THSD4: variants seen among roughly 807,000 people sequenced by gnomAD.
The protein encoded by THSD4 is thrombospondin type-1 domain-containing protein 4.
Under a neutral mutation model 119.0 loss-of-function variants are expected in THSD4, and 69 were observed. The observed-to-expected ratio is 0.58, with a 90% CI of 0.48 to 0.71. The LOEUF is 0.71. Among genes scored for constraint, THSD4 ranks in the 30% least tolerant of loss-of-function variants. The pLI, the probability that THSD4 is intolerant of heterozygous loss-of-function variation, is 0.00. For missense variants in THSD4, 1,393 were observed against 1,391.1 expected, an observed-to-expected ratio of 1.00 and a Z score of -0.02; for synonymous variants, 524 against 540.4, an observed-to-expected ratio of 0.97 and a Z score of 0.42.
chr15:71,523,126 AT>A (rs1267697786), intron 7 of THSD4, among the ~76,000 whole-genome samples: 1 of 152,224 alleles, frequency 6.6e-6, no homozygotes, highest in Non-Finnish European at 1.5e-5. Flanking sequence ...GTAGCTTCCT[AT>A]AACTGCTGTA....
At chr15:71,532,788 C>G (rs1479755885) in intron 7 of THSD4, among the ~76,000 whole-genome samples, 2 of 151,912 alleles carry the variant, frequency 1.3e-5, no homozygotes, top group African/African-American at 4.8e-5. Flanking sequence ...CTGTTCTATT[C>G]GAAGCAGAAA....
At chr15:71,373,462 C>G (rs1040829932) in intron 6 of THSD4, among the ~76,000 whole-genome samples, 1 of 152,058 alleles carries the variant, frequency 6.6e-6, no homozygotes, top group African/African-American at 2.4e-5. Context: ...ACAGGATATC[C>G]CGGTGGCTGA....
chr15:71,504,929 C>A lies in THSD4; in HGVS notation c.1152+93106C>A, dbSNP rs577951744. On this transcript the variant is annotated intron_variant, in intron 7 of 17. Coordinates refer to ENST00000261862, the MANE Select transcript of THSD4 (RefSeq NM_024817.3). ...TTCTCAGTCTTCCCTGTGTTTCATG[C>A]CCTTGACAGTTTTGAAGAGCATGGT... Among the ~76,000 whole-genome samples, 16 of 152,250 alleles carry A rather than the reference C, an allele frequency of 1.1e-4. No homozygotes were observed. In the East Asian group the frequency reaches 3.1e-3, roughly 29 times the overall value.
intron 7 of THSD4, among the ~76,000 whole-genome samples, chr15:71,494,422 A>G (rs188127567): frequency 2.0e-3 from 304 of 152,306 alleles, no homozygotes; most frequent in African/African-American, 7.2e-3. Flanking sequence ...AAAAGCAAGC[A>G]CAAAATGTAA....
chr15:71,456,624 A>G (rs1173593215), intron 7 of THSD4, among the ~76,000 whole-genome samples: 1 of 152,006 alleles, frequency 6.6e-6, no homozygotes, highest in Non-Finnish European at 1.5e-5. Context: ...CAGCAGTGGA[A>G]CTTCTGAGTC....
At chr15:71,412,493 C>A (rs1312075498) in intron 7 of THSD4, among the ~76,000 whole-genome samples, 1 of 152,174 alleles carries the variant, frequency 6.6e-6, no homozygotes, top group Non-Finnish European at 1.5e-5. Flanking sequence ...TGCGCTTGGA[C>A]TTCTACCCTC....
At chr15:71,703,271 G>A (rs982791345) in intron 8 of THSD4, among the ~76,000 whole-genome samples, 6 of 152,126 alleles carry the variant, frequency 3.9e-5, no homozygotes, top group African/African-American at 1.2e-4. Context: ...CACCACACTC[G>A]GCCAGGCTCC....
chr15:71,132,342 G>A (rs190679714), intron 1 of THSD4, among the ~76,000 whole-genome samples: 1 of 152,228 alleles, frequency 6.6e-6, no homozygotes, highest in Non-Finnish European at 1.5e-5. Context: ...TTCATAGGGT[G>A]GACTATTTTG....
intron 8 of THSD4, among the ~76,000 whole-genome samples, chr15:71,717,757 C>A (rs2052637804): frequency 6.6e-6 from 1 of 152,118 alleles, no homozygotes; most frequent in Non-Finnish European, 1.5e-5. Flanking sequence ...AACAAGACCC[C>A]CCACCACCAT....
At chr15:71,626,024 G>A (rs1466945146) in intron 7 of THSD4, among the ~76,000 whole-genome samples, 1 of 152,156 alleles carries the variant, frequency 6.6e-6, no homozygotes, top group Non-Finnish European at 1.5e-5. Context: ...TCCTTTTAGA[G>A]GATTTTTATA....
At chr15:71,768,054 T>C (rs897113382) in intron 16 of THSD4, among the ~76,000 whole-genome samples, 8 of 152,210 alleles carry the variant, frequency 5.3e-5, no homozygotes. Flanking sequence ...CTTATTATTA[T>C]GAAAACCCGT....
chr15:71,460,316 T>G (rs1044008276), intron 7 of THSD4, among the ~76,000 whole-genome samples: 2 of 150,846 alleles, frequency 1.3e-5, no homozygotes, highest in East Asian at 1.9e-4. Flanking sequence ...TTTTTTTTTT[T>G]TTTTTTTTTT....
chr15:71,377,541 CA>C (rs1369981029), intron 6 of THSD4, among the ~76,000 whole-genome samples: 1 of 151,936 alleles, frequency 6.6e-6, no homozygotes, highest in African/African-American at 2.4e-5. Context: ...GACAGGGATG[CA>C]AAGGGACAAG....
At chr15:71,501,831 T>G (rs1432573624) in intron 7 of THSD4, among the ~76,000 whole-genome samples, 1 of 152,218 alleles carries the variant, frequency 6.6e-6, no homozygotes, top group Non-Finnish European at 1.5e-5. Flanking sequence ...CACCCTAATT[T>G]TGATTTTGAT....
At chr15:71,597,373 G>GCA (rs373306392) in intron 7 of THSD4, among the ~76,000 whole-genome samples, 5 of 151,784 alleles carry the variant, frequency 3.3e-5, no homozygotes, top group South Asian at 2.1e-4. Context: ...ACAGGCACGT[G>GCA]CACACACACA....
rs2050416233 is a variant in THSD4, at chr15:71,621,376, AG to A, written c.1153-39151del. On this transcript the variant is annotated intron_variant, in intron 7 of 17. Transcript: ENST00000261862. Reference sequence around the variant, plus strand: ...GTTGCTAGGACAGTTGTCCCAGATGAGGGATTGATTTGGGTGTTCCTAAAGG... The same window carrying A: ...GTTGCTAGGACAGTTGTCCCAGATGAGGATTGATTTGGGTGTTCCTAAAGG... Among the ~76,000 whole-genome samples the A allele has an allele frequency of 3.3e-5, 5 of 152,312 alleles. No individual in the cohort carries two copies. In the South Asian group the frequency reaches 1.0e-3, roughly 32 times the overall value.
intron 3 of THSD4, among the ~76,000 whole-genome samples, chr15:71,205,922 G>A (rs949388154): frequency 3.5e-5 from 5 of 141,868 alleles, no homozygotes; most frequent in African/African-American, 1.3e-4. Flanking sequence ...CGCCCAGGCT[G>A]GAGGACAATG....
At chr15:71,767,997 A>G (rs2053743759) in intron 16 of THSD4, among the ~76,000 whole-genome samples, 1 of 152,216 alleles carries the variant, frequency 6.6e-6, no homozygotes, top group Admixed American at 6.5e-5. Context: ...AGTTTATAAT[A>G]CTTTAAAAAA....
intron 7 of THSD4, among the ~76,000 whole-genome samples, chr15:71,425,476 C>T (rs2046855666): frequency 6.6e-6 from 1 of 152,206 alleles, no homozygotes; most frequent in African/African-American, 2.4e-5. Flanking sequence ...TCTCTTTTGA[C>T]TAAATTCCAC....
Sources: gnomAD v4.1 joint callset for allele counts (sites outside exome capture counted in the v4.1 genomes callset) on GRCh38, gnomAD v4.1.1 for gene constraint, MANE v1.5 for transcripts, NCBI Gene and HGNC (gene_info 2026-07-23, HGNC 2026-07-21) for gene names.